The following RPTOR variants were observed in gnomAD, a reference collection of about 807,000 sequenced individuals.
RPTOR encodes regulatory-associated protein of mTOR.
A neutral mutation model predicts 169.9 loss-of-function variants in RPTOR; 21 were observed. The observed-to-expected ratio is 0.12, with a 90% CI of 0.09 to 0.18. The LOEUF is 0.18. RPTOR is among the 10% of genes least tolerant of loss of function. The pLI, the probability that RPTOR is intolerant of heterozygous loss-of-function variation, is 1.00. For synonymous variants in RPTOR, 732 were observed against 753.2 expected (o/e 0.97, Z 0.46); for missense variants, 1,133 against 1,855.9 (o/e 0.61, Z 7.16).
rs2066572489 is a variant in RPTOR at position 80,746,221 on chromosome 17, CTGCGGG to C, written c.655-7786_655-7781del. 7.0e-6 allele frequency among the ~76,000 whole-genome samples: 1 copy of C among 143,598 alleles called. No homozygotes were observed. 94.2% of individuals were successfully genotyped at this position (143,598 alleles called of 152,430 possible). On this transcript the variant is annotated intron_variant, in intron 5 of 33. Coordinates refer to ENST00000306801, the MANE Select transcript of RPTOR (RefSeq NM_020761.3). The surrounding 1 kb of genome is among the most constrained non-coding windows in gnomAD (Gnocchi z 4.5). ...CCCACCGCCCCCACAGCGGTGCTTT[CTGCGGG>C]TGATCCCCACCGCCCCCACAGCGGT... is the stretch of plus-strand genomic sequence containing the variant.
chr17:80,839,542 C>T (rs1446436048), intron 10 of RPTOR, among the ~76,000 whole-genome samples: 1 of 136,094 alleles, frequency 7.3e-6, no homozygotes, highest in South Asian at 2.5e-4. Context: ...CAAAGGCCTT[C>T]CCTCCCTTCC....
At chr17:80,831,342 T>A (rs1373386751) in intron 9 of RPTOR, among the ~76,000 whole-genome samples, 2 of 152,170 alleles carry the variant, frequency 1.3e-5, no homozygotes, top group Non-Finnish European at 2.9e-5. Context: ...CCCCCTCCAA[T>A]AAGGCATTTG....
chr17:80,583,257 C>T (rs1412451937), intron 1 of RPTOR, among the ~76,000 whole-genome samples: 1 of 140,022 alleles, frequency 7.1e-6, no homozygotes, highest in Non-Finnish European at 1.5e-5. Context: ...GGCGCGATCA[C>T]CGCTCATTGC....
intron 7 of RPTOR, among the ~76,000 whole-genome samples, chr17:80,800,482 T>C (rs1258674344): frequency 1.3e-5 from 2 of 152,174 alleles, no homozygotes; most frequent in Non-Finnish European, 2.9e-5. Context: ...TTGTGCATAA[T>C]TATTTAGCAG....
chr17:80,604,565 G>T (rs1291549894), intron 1 of RPTOR, among the ~76,000 whole-genome samples: 1 of 152,172 alleles, frequency 6.6e-6, no homozygotes, highest in Admixed American at 6.5e-5. Flanking sequence ...AAATCCTCCT[G>T]TATTAGTCTG....
chr17:80,777,540 CT>C (rs1198992803), intron 6 of RPTOR, among the ~76,000 whole-genome samples: 1 of 142,344 alleles, frequency 7.0e-6, no homozygotes, highest in African/African-American at 2.7e-5. Flanking sequence ...GCTTATTGGC[CT>C]TTGTTGTTTT....
chr17:80,830,083 G>A (rs931352603), intron 9 of RPTOR, among the ~76,000 whole-genome samples: 15 of 152,310 alleles, frequency 9.8e-5, no homozygotes, highest in Middle Eastern at 3.4e-3. Flanking sequence ...ATCCTCGTAG[G>A]AGAAGAAAGA....
At chr17:80,771,447 C>T (rs2066842172) in intron 6 of RPTOR, among the ~76,000 whole-genome samples, 1 of 152,178 alleles carries the variant, frequency 6.6e-6, no homozygotes. Context: ...GCCTCATTGC[C>T]TAGTTCTTTC....
rs576922961 is a variant in RPTOR, at chr17:80,684,190, G to A, written c.349-23651G>A. On this transcript the variant is annotated intron_variant, in intron 3 of 33. Transcript: ENST00000306801. Reference sequence around the variant, plus strand: ...TTATTTGCACTGTACTCAAGTTCACGTGTTTAGTTTGTATTCTGTTCCGTT... The same window carrying A: ...TTATTTGCACTGTACTCAAGTTCACATGTTTAGTTTGTATTCTGTTCCGTT... Among the ~76,000 whole-genome samples, 40 of 152,172 alleles carry A rather than the reference G, an allele frequency of 2.6e-4. No individual in the cohort carries two copies. In the Middle Eastern group the frequency reaches 0.014, roughly 52 times the overall value.
chr17:80,553,118 T>G (rs2084365581), intron 1 of RPTOR, among the ~76,000 whole-genome samples: 1 of 152,258 alleles, frequency 6.6e-6, no homozygotes, highest in South Asian at 2.1e-4. Context: ...TACTACTAGT[T>G]CCTGATTTCT....
At chr17:80,858,464 C>G (rs977331323) in intron 13 of RPTOR, among the ~76,000 whole-genome samples, 4 of 152,238 alleles carry the variant, frequency 2.6e-5, no homozygotes, top group Non-Finnish European at 5.9e-5. Context: ...GTGTTCGCCC[C>G]TCAATCATCT....
chr17:80,575,100 TTC>T (rs2064950096), intron 1 of RPTOR, among the ~76,000 whole-genome samples: 1 of 152,230 alleles, frequency 6.6e-6, no homozygotes, highest in African/African-American at 2.4e-5. Context: ...CATTTGTCTT[TTC>T]TAGTGTATGC....
chr17:80,943,412 G>C (rs931107645), intron 25 of RPTOR, among the ~76,000 whole-genome samples: 1 of 152,210 alleles, frequency 6.6e-6, no homozygotes, highest in Non-Finnish European at 1.5e-5. Context: ...GAAGGGCAGG[G>C]TTTATTGGGT....
chr17:80,963,182 T>G, intron 33 of RPTOR, 125 bp downstream of exon 33: 1 of 957,746 alleles, frequency 1.0e-6, no homozygotes, highest in South Asian at 1.6e-5. Flanking sequence ...ATTGGCTGCC[T>G]GAGGGAGGGA....
chr17:80,684,514 G>A (rs915162361), intron 3 of RPTOR, among the ~76,000 whole-genome samples: 27 of 150,584 alleles, frequency 1.8e-4, no homozygotes, highest in Non-Finnish European at 1.6e-4. Context: ...GTGTGATCTC[G>A]GCTCACTGCA....
intron 13 of RPTOR, among the ~76,000 whole-genome samples, chr17:80,875,923 G>C (rs80006811): frequency 1.5e-5 from 1 of 66,534 alleles, no homozygotes; most frequent in African/African-American, 6.0e-5. Flanking sequence ...CACCGAGCCC[G>C]TGCCGCCCAG....
At chr17:80,781,947 G>C (rs2143458533) in intron 6 of RPTOR, among the ~76,000 whole-genome samples, 1 of 152,326 alleles carries the variant, frequency 6.6e-6, no homozygotes, top group Non-Finnish European at 1.5e-5. Context: ...TCAGGGCTTG[G>C]CTTTGGGTCA....
chr17:80,840,880 A>G (rs374896695), intron 10 of RPTOR, among the ~76,000 whole-genome samples: 78 of 82,632 alleles, frequency 9.4e-4, no homozygotes, highest in Admixed American at 1.4e-3. Flanking sequence ...CACTCTCACC[A>G]CACGGCAGCT....
At chr17:80,743,389 T>G (rs975771345) in intron 5 of RPTOR, 2 of 985,356 alleles carry the variant, frequency 2.0e-6, no homozygotes, top group African/African-American at 3.5e-5. Flanking sequence ...ATGTCTAACC[T>G]GAGCCGTAGA....
Sources: allele counts gnomAD v4.1 joint callset (sites outside exome capture counted in the v4.1 genomes callset), GRCh38; gene constraint gnomAD v4.1.1; non-coding constraint Gnocchi (gnomAD v3.1); transcripts MANE v1.5; gene names NCBI Gene and HGNC (gene_info 2026-07-23, HGNC 2026-07-21).